ATRNL1: variants seen among roughly 807,000 people sequenced by gnomAD.
ATRNL1 encodes the protein attractin like 1, also known as attractin-like protein 1.
ATRNL1 carries 95 observed loss-of-function variants against 182.7 expected under a neutral mutation model. That is an observed-to-expected ratio of 0.52 (90% CI 0.44 to 0.62). The LOEUF is 0.62. Ranked by LOEUF, ATRNL1 falls within the 20% of genes least tolerant of loss-of-function variation. The probability of loss-of-function intolerance (pLI) is 0.00; values close to 1 mark genes in which losing one functional copy is unlikely to be tolerated. For synonymous variants in ATRNL1, 576 were observed against 568.3 expected (o/e 1.01, Z -0.19); for missense variants, 1,471 against 1,679.5 (o/e 0.88, Z 2.17).
At chr10:115,623,015 A>G (rs1296989303) in intron 26 of ATRNL1, among the ~76,000 whole-genome samples, 2 of 152,304 alleles carry the variant, frequency 1.3e-5, no homozygotes, top group East Asian at 3.9e-4. Context: ...ATAATAAATT[A>G]TAATTTATAA....
At chr10:115,403,498 C>A (rs926395021) in intron 20 of ATRNL1, among the ~76,000 whole-genome samples, 1 of 152,096 alleles carries the variant, frequency 6.6e-6, no homozygotes, top group Non-Finnish European at 1.5e-5. Context: ...CTCTGTCCCC[C>A]AGACTGGAGT....
intron 28 of ATRNL1, among the ~76,000 whole-genome samples, chr10:115,940,926 G>T (rs972954204): frequency 6.6e-6 from 1 of 152,138 alleles, no homozygotes; most frequent in Non-Finnish European, 1.5e-5. Flanking sequence ...CAGTTATTAT[G>T]ATTATTATCC....
chr10:115,513,022 C>T (rs1220635707), intron 24 of ATRNL1, among the ~76,000 whole-genome samples: 2 of 152,034 alleles, frequency 1.3e-5, no homozygotes, highest in African/African-American at 4.8e-5. Context: ...TTTCTTAAAA[C>T]ATTATGAGAT....
chr10:115,524,084 G>GAAA, intron 25 of ATRNL1, among the ~76,000 whole-genome samples: 1 of 150,362 alleles, frequency 6.7e-6, no homozygotes, highest in East Asian at 2.0e-4. Context: ...CACATGGTGA[G>GAAA]AAAGTAGGCA....
chr10:115,739,327 T>C (rs1415217195), intron 27 of ATRNL1, among the ~76,000 whole-genome samples: 1 of 152,234 alleles, frequency 6.6e-6, no homozygotes. Flanking sequence ...GAAATGGCTA[T>C]GTAAAGTAAG....
At chr10:115,224,479 A>T (rs1048077015) in intron 9 of ATRNL1, among the ~76,000 whole-genome samples, 3 of 152,148 alleles carry the variant, frequency 2.0e-5, no homozygotes, top group Non-Finnish European at 4.4e-5. Context: ...AAAGGAAAGG[A>T]ACATGAGATA....
intron 7 of ATRNL1, 122 bp downstream of exon 7, chr10:115,165,767 CATG>C: frequency 6.7e-6 from 3 of 445,996 alleles, no homozygotes; most frequent in East Asian, 3.4e-5. Flanking sequence ...TTATATGGAT[CATG>C]ATAACTTGAG....
At chr10:115,244,546 G>C (rs1294338553) in intron 10 of ATRNL1, among the ~76,000 whole-genome samples, 4 of 152,168 alleles carry the variant, frequency 2.6e-5, no homozygotes, top group African/African-American at 9.6e-5. Flanking sequence ...AGCTAGGGTG[G>C]TGAATAAGAT....
intron 5 of ATRNL1, among the ~76,000 whole-genome samples, chr10:115,152,275 G>A (rs1846271810): frequency 1.3e-5 from 2 of 152,162 alleles, no homozygotes; most frequent in South Asian, 2.1e-4. Context: ...GCTTGATGGG[G>A]ATGGCATTGA....
intron 27 of ATRNL1, among the ~76,000 whole-genome samples, chr10:115,777,334 A>G (rs574997306): frequency 2.6e-5 from 4 of 152,304 alleles, no homozygotes; most frequent in East Asian, 1.9e-4. Flanking sequence ...AAGTATTTAT[A>G]TAGCTTCATT....
At chr10:115,587,598 A>G (rs1223904311) in intron 26 of ATRNL1, among the ~76,000 whole-genome samples, 3 of 113,478 alleles carry the variant, frequency 2.6e-5, no homozygotes, top group East Asian at 6.8e-4. Context: ...GAGTGAGGCA[A>G]TGCCTCGCCC....
intron 18 of ATRNL1, among the ~76,000 whole-genome samples, chr10:115,332,754 C>G (rs1855287009): frequency 1.3e-5 from 2 of 151,380 alleles, no homozygotes; most frequent in African/African-American, 4.8e-5. Context: ...CTATGCTAGC[C>G]TCTTGGGAAT....
intron 28 of ATRNL1, among the ~76,000 whole-genome samples, chr10:115,897,651 A>G (rs1952241660): frequency 6.6e-6 from 1 of 152,132 alleles, no homozygotes; most frequent in Non-Finnish European, 1.5e-5. Flanking sequence ...GGCTCCAGCT[A>G]TTTGTCACCA....
At chr10:115,738,928 A>C (rs1216982025) in intron 27 of ATRNL1, among the ~76,000 whole-genome samples, 1 of 152,098 alleles carries the variant, frequency 6.6e-6, no homozygotes, top group Non-Finnish European at 1.5e-5. Context: ...ATCATCTTTC[A>C]TTCAGAATTC....
intron 19 of ATRNL1, among the ~76,000 whole-genome samples, chr10:115,346,342 G>A (rs1855973914): frequency 6.6e-6 from 1 of 152,126 alleles, no homozygotes; most frequent in South Asian, 2.1e-4. Context: ...GATACCTCAT[G>A]TTAAGTGGAA....
At chr10:115,202,452 A>AT (rs1268269302) in intron 8 of ATRNL1, among the ~76,000 whole-genome samples, 2 of 152,130 alleles carry the variant, frequency 1.3e-5, no homozygotes, top group Non-Finnish European at 2.9e-5. Flanking sequence ...GGGCTGTTGA[A>AT]TTTTGTCAAA....
intron 27 of ATRNL1, among the ~76,000 whole-genome samples, chr10:115,757,271 T>C (rs1431103980): frequency 6.6e-6 from 1 of 152,200 alleles, no homozygotes; most frequent in Non-Finnish European, 1.5e-5. Flanking sequence ...CTTTACAATT[T>C]GGTATGTTTT....
At chr10:115,740,802 G>A (rs10885798) in intron 27 of ATRNL1, among the ~76,000 whole-genome samples, 30,706 of 151,314 alleles carry the variant, frequency 0.2, 3,475 homozygotes, top group South Asian at 0.29. Flanking sequence ...CACCACACCC[G>A]GCCAATCCTA....
At chr10:115,268,467 T>A in intron 13 of ATRNL1, 23 bp downstream of exon 13, 1 of 1,463,416 alleles carries the variant, frequency 6.8e-7, no homozygotes, top group Non-Finnish European at 9.6e-7. Context: ...GGGTAAATGG[T>A]GCTGTAGTTA....
Sources: allele counts gnomAD v4.1 joint callset (sites outside exome capture counted in the v4.1 genomes callset), GRCh38; gene constraint gnomAD v4.1.1; transcripts MANE v1.5; gene names NCBI Gene and HGNC (gene_info 2026-07-23, HGNC 2026-07-21).